Variants in NREP observed in about 807,000 individuals in gnomAD.
NREP encodes the protein neuronal regeneration-related protein.
NREP carries 5 observed loss-of-function variants against 8.6 expected under a neutral mutation model. That is an observed-to-expected ratio of 0.58 (90% CI 0.30 to 1.22). The LOEUF (loss-of-function observed/expected upper bound fraction) is 1.22, where lower values mean the gene tolerates loss of function less well. NREP is among the 50% of genes most tolerant of loss of function. The pLI is 0.07. For synonymous variants in NREP, 27 were observed against 28.0 expected (o/e 0.96, Z 0.11); for missense variants, 86 against 82.5 (o/e 1.04, Z -0.17).
chr5:111,762,876 G>A (rs542878176), intron 2 of NREP, among the ~76,000 whole-genome samples: 2 of 152,242 alleles, frequency 1.3e-5, no homozygotes, highest in South Asian at 2.1e-4. Flanking sequence ...ATGAGGTTTC[G>A]GATATTCTAC....
intron 2 of NREP, among the ~76,000 whole-genome samples, chr5:111,969,764 G>C (rs899963353): frequency 1.3e-5 from 2 of 152,158 alleles, no homozygotes; most frequent in Non-Finnish European, 2.9e-5. Context: ...TTAAGTCCTA[G>C]AGAGGAGATT....
At chr5:111,798,533 G>A (rs1396432516) in intron 2 of NREP, among the ~76,000 whole-genome samples, 1 of 151,938 alleles carries the variant, frequency 6.6e-6, no homozygotes, top group South Asian at 2.1e-4. Context: ...TCTTTCCCCC[G>A]AGTCCCCAAA....
intron 2 of NREP, among the ~76,000 whole-genome samples, chr5:111,793,563 A>G (rs946635287): frequency 6.6e-6 from 1 of 152,150 alleles, no homozygotes; most frequent in Non-Finnish European, 1.5e-5. Flanking sequence ...TTCTTTACTC[A>G]GTCTACTGAT....
intron 2 of NREP, among the ~76,000 whole-genome samples, chr5:111,785,116 C>T (rs1045281062): frequency 6.6e-6 from 1 of 152,160 alleles, no homozygotes; most frequent in Non-Finnish European, 1.5e-5. Context: ...AAGAGGAAGT[C>T]TTCCAAGCGC....
intron 2 of NREP, among the ~76,000 whole-genome samples, chr5:111,936,444 T>A (rs988080886): frequency 1.6e-4 from 24 of 152,114 alleles, no homozygotes; most frequent in African/African-American, 4.8e-4. Context: ...TGTGGAATTA[T>A]GAGTCAATTA....
At chr5:111,743,343 T>A (rs1399161203) in intron 2 of NREP, among the ~76,000 whole-genome samples, 1 of 152,162 alleles carries the variant, frequency 6.6e-6, no homozygotes, top group African/African-American at 2.4e-5. Context: ...AGCTTTTCTT[T>A]GCCCCTGTGA....
chr5:111,879,734 G>A (rs1043511549), intron 2 of NREP, among the ~76,000 whole-genome samples: 3 of 152,196 alleles, frequency 2.0e-5, no homozygotes, highest in African/African-American at 7.2e-5. Flanking sequence ...CCTAGATTAA[G>A]GGGCCAGCAT....
chr5:111,887,126 A>G (rs603372), intron 2 of NREP, among the ~76,000 whole-genome samples: 150,734 of 152,232 alleles, frequency 0.99, 74,640 homozygotes, highest in Non-Finnish European at 1. Context: ...GTTTCACTAT[A>G]TTGCCTAGGC....
chr5:111,824,259 C>T (rs1581143420), intron 2 of NREP, among the ~76,000 whole-genome samples: 2 of 152,172 alleles, frequency 1.3e-5, no homozygotes, highest in South Asian at 4.1e-4. Context: ...ATCCCAGCTA[C>T]TCGGGAGGCT....
In NREP at chr5:111,963,070, G is replaced by C. The variant is rs569887800; in HGVS notation, c.135+12204C>G. Among the ~76,000 whole-genome samples, 3 of 152,360 alleles carry C rather than the reference G, an allele frequency of 2.0e-5. No individual in the cohort carries two copies. The East Asian group carries it at 5.8e-4, about 29-fold the overall frequency. On this transcript the variant is annotated intron_variant, in intron 2 of 3. Coordinates refer to the NREP transcript ENST00000395634. ...TGCTGGTGGAGGGCAGCCGCCCTGCGCAACGAGGCAAGGGGCCCACTGAGT... is the reference window on the plus strand; with the variant it reads ...TGCTGGTGGAGGGCAGCCGCCCTGCCCAACGAGGCAAGGGGCCCACTGAGT...
intron 2 of NREP, among the ~76,000 whole-genome samples, chr5:111,866,084 G>T (rs1247359815): frequency 2.0e-5 from 3 of 152,288 alleles, no homozygotes; most frequent in Admixed American, 1.3e-4. Flanking sequence ...GAAAGACATA[G>T]GCATGGGCAA....
At chr5:111,911,799 CAT>C (rs1343893774) in intron 2 of NREP, among the ~76,000 whole-genome samples, 1 of 152,108 alleles carries the variant, frequency 6.6e-6, no homozygotes, top group Non-Finnish European at 1.5e-5. Flanking sequence ...TCTGCATAGA[CAT>C]AGAATCCAAA....
chr5:111,964,877 A>T (rs1471753656), intron 2 of NREP, among the ~76,000 whole-genome samples: 44 of 141,990 alleles, frequency 3.1e-4, no homozygotes, highest in African/African-American at 8.1e-4. Context: ...AAAAAAAAAA[A>T]AAAAAAAAAA....
Position 111,965,243 on chromosome 5 carries a change from G to C in NREP, c.135+10031C>G, listed in dbSNP as rs367812567. Among the ~76,000 whole-genome samples the C allele has an allele frequency of 2.3e-3, 352 of 152,078 alleles. 2 individuals carry two copies. Among genetic ancestry groups the C allele is most frequent in the African/African-American group, 7.7e-3 (318 of 41,448 alleles). ...ACCCCAGCAAACATTCTCCCACCTCGTAGGCAAGAATTGCATCACATACCC... is the reference window on the plus strand; with the variant it reads ...ACCCCAGCAAACATTCTCCCACCTCCTAGGCAAGAATTGCATCACATACCC... On this transcript the variant is annotated intron_variant, in intron 2 of 3. Transcript: ENST00000395634.
At chr5:111,757,966 GAA>G (rs969917657), upstream of NREP, 11 of 985,460 alleles carry the variant, frequency 1.1e-5, no homozygotes, top group Non-Finnish European at 1.3e-5. Context: ...GGCATCTGAG[GAA>G]AAGAGGACGG....
chr5:111,887,437 A>C (rs1754288859), intron 2 of NREP, among the ~76,000 whole-genome samples: 1 of 152,194 alleles, frequency 6.6e-6, no homozygotes, highest in Non-Finnish European at 1.5e-5. Flanking sequence ...TGTATCCCCA[A>C]GATTACAATA....
intron 2 of NREP, among the ~76,000 whole-genome samples, chr5:111,828,518 T>G (rs568676028): frequency 3.9e-4 from 60 of 152,240 alleles, no homozygotes; most frequent in African/African-American, 1.4e-3. Context: ...CCTAAAACAA[T>G]GTTTACCTGC....
At chr5:111,769,014 G>A (rs1030483630) in intron 2 of NREP, among the ~76,000 whole-genome samples, 2 of 152,138 alleles carry the variant, frequency 1.3e-5, no homozygotes, top group African/African-American at 4.8e-5. Context: ...CTGCAGCCTT[G>A]CCAGCATCTG....
chr5:111,850,860 AG>A (rs1449060929), intron 2 of NREP, among the ~76,000 whole-genome samples: 1 of 152,214 alleles, frequency 6.6e-6, no homozygotes, highest in Non-Finnish European at 1.5e-5. Context: ...GAAAGAATGA[AG>A]GTTTTAAAGT....
Sources: allele counts gnomAD v4.1 joint callset (sites outside exome capture counted in the v4.1 genomes callset), GRCh38; gene constraint gnomAD v4.1.1; transcripts MANE v1.5; gene names NCBI Gene and HGNC (gene_info 2026-07-23, HGNC 2026-07-21).